Variants in CPLANE1 observed in about 807,000 individuals in gnomAD.
CPLANE1 encodes the protein ciliogenesis and planar polarity effector complex subunit 1.
Under a neutral mutation model 362.5 loss-of-function variants are expected in CPLANE1, and 263 were observed. The observed-to-expected ratio is 0.73, with a 90% CI of 0.66 to 0.80. The LOEUF (loss-of-function observed/expected upper bound fraction) is 0.80. CPLANE1 is among the 30% of genes least tolerant of loss of function. The pLI, the probability that CPLANE1 is intolerant of heterozygous loss-of-function variation, is 0.00. For missense variants in CPLANE1, 3,461 were observed against 3,793.4 expected (o/e 0.91, Z 2.30); for synonymous variants, 1,212 against 1,302.6 (o/e 0.93, Z 1.50).
rs554711652 is a variant in CPLANE1, at chr5:37,183,234, T to C, written c.4947A>G (p.Ser1649=). Residue 1649 remains serine (S), a synonymous_variant, in exon 26 of 53, where the codon TCA becomes TCG. Transcript: ENST00000651892. The stretch of plus-strand genomic sequence containing the variant: ...TGATCCCTTGATTAACCAGTACTGA[T>C]GATGAAAGTTTCTGGTTTTCTAAAT... ...GMHLENQKLS[S]SVLVNQGIKP... The C allele has an allele frequency of 6.6e-4, 1,065 of 1,612,394 alleles. 8 individuals are homozygous for C. In the South Asian group the frequency reaches 0.011, roughly 17 times the overall value.
chr5:37,202,941 T>C (rs1789626970), intron 18 of CPLANE1, among the ~76,000 whole-genome samples: 1 of 149,444 alleles, frequency 6.7e-6, no homozygotes, highest in Admixed American at 6.7e-5. Flanking sequence ...TTATATATTT[T>C]ATATATATAT....
chr5:37,120,458 T>C lies in CPLANE1; in HGVS notation c.9186-118A>G, dbSNP rs796692699. The C allele has an allele frequency of 1.1e-5, 9 of 798,886 alleles. No individual in the cohort carries two copies. In the African/African-American group the frequency reaches 1.5e-4, roughly 13 times the overall value. 49.5% of individuals were successfully genotyped at this position (798,886 alleles called of 1,614,324 possible). ...AGTAGTGCAAGCCTATAGCCCCAGC[T>C]ACTGGCGAGGGTGGGACAGGAGGAT... On this transcript the variant is annotated intron_variant, in intron 49 of 52. Transcript: ENST00000651892.
chr5:37,182,180 CAT>C (rs1386567958), intron 26 of CPLANE1, among the ~76,000 whole-genome samples: 14 of 152,032 alleles, frequency 9.2e-5, no homozygotes, highest in African/African-American at 3.1e-4. Flanking sequence ...CACATATTCA[CAT>C]ACACACACAC....
chr5:37,168,886 T>C lies in CPLANE1; in HGVS notation c.7138A>G (p.Ile2380Val). 1 of 1,614,138 alleles carries C rather than the reference T, an allele frequency of 6.2e-7. No individual in the cohort carries two copies. Among genetic ancestry groups the C allele is most frequent in the Non-Finnish European group, 8.5e-7 (1 of 1,179,974 alleles). ...NMFPSTSRAS[I>V]TVPSTPIQPI... ...TGGATAGGTGTTGAGGGAACTGTAA[T>C]AGATGCTCTTGAGGTTGATGGAAAC... The change falls in exon 34 of 53, where the codon ATT becomes GTT. Residue 2380 changes from isoleucine to valine, a missense_variant. Physicochemically the swap from Ile to Val is conservative, Grantham distance 29 (BLOSUM62 3). Coordinates refer to ENST00000651892, the MANE Select transcript of CPLANE1 (RefSeq NM_001384732.1).
chr5:37,112,649 C>A (rs967054811), intron 51 of CPLANE1, among the ~76,000 whole-genome samples: 1 of 152,184 alleles, frequency 6.6e-6, no homozygotes, highest in African/African-American at 2.4e-5. Context: ...CAGAGTCTAG[C>A]CTGAGAAATC....
chr5:37,208,321 T>C (rs1791421218), intron 16 of CPLANE1, among the ~76,000 whole-genome samples: 1 of 152,240 alleles, frequency 6.6e-6, no homozygotes, highest in South Asian at 2.1e-4. Flanking sequence ...CTGGGGCTTT[T>C]ACACAAACTC....
intron 46 of CPLANE1, among the ~76,000 whole-genome samples, chr5:37,128,858 A>G (rs539825889): frequency 2.6e-5 from 4 of 150,980 alleles, no homozygotes; most frequent in Non-Finnish European, 5.9e-5. Flanking sequence ...AAAAAAACCA[A>G]AAAAAAACAA....
intron 47 of CPLANE1, 107 bp downstream of exon 47, chr5:37,125,137 C>T: frequency 7.1e-7 from 1 of 1,407,028 alleles, no homozygotes; most frequent in Non-Finnish European, 9.5e-7. Flanking sequence ...TTCTATATGC[C>T]AAATTACAAA....
intron 12 of CPLANE1, 132 bp from the exon 13 acceptor site, chr5:37,224,872 A>T (rs1432675724): frequency 1.8e-6 from 1 of 552,672 alleles, no homozygotes; most frequent in Non-Finnish European, 3.2e-6. Flanking sequence ...GATCACATTT[A>T]AATATAGTGC....
rs374826123 is a variant in CPLANE1, at chr5:37,165,683, A to G, written c.7401-12T>C. 10 of 1,595,510 alleles carry G rather than the reference A, an allele frequency of 6.3e-6. No individual in the cohort carries two copies. The African/African-American group carries it at 1.4e-4, about 22-fold the overall frequency. ...CTCTTCTTCTTTGCCTGTTAAACAT[A>G]ATAGCATAAAACATACTTTTACAAC... is the stretch of plus-strand genomic sequence containing the variant. On this transcript the variant is annotated splice_polypyrimidine_tract_variant and intron_variant, in intron 35 of 52. Transcript: ENST00000651892.
At position 37,169,570 on chromosome 5, in the gene CPLANE1, G is replaced by A; in HGVS notation, c.6463-9C>T. On this transcript the variant is annotated splice_polypyrimidine_tract_variant and intron_variant, in intron 33 of 52. Transcript: ENST00000651892. The stretch of plus-strand genomic sequence containing the variant: ...CTCCCATGTGGAACATTCTGGAAGA[G>A]AAAAAAGATATTATGTAAGTTTAGA... 1 of 1,563,422 alleles carries A rather than the reference G, an allele frequency of 6.4e-7. No homozygotes were observed. The highest frequency in any genetic ancestry group is 2.0e-5 in the Admixed American group (1 of 49,732).
Position 37,169,213 on chromosome 5 carries a change from G to A in CPLANE1, c.6811C>T (p.Leu2271=), listed in dbSNP as rs746910113. The change falls in exon 34 of 53, where the codon CTG becomes TTG. Residue 2271 remains leucine, a synonymous_variant. Transcript: ENST00000651892. ...WGLSDSFQPA[L]PQRAAQTTPA... ...GTAGTTTGTGCTGCTCTCTGTGGCA[G>A]AGCAGGTTGGAAGGAGTCAGATAAT... 1.2e-6 allele frequency: 2 copies of A among 1,614,150 alleles called. No homozygotes were observed. Among genetic ancestry groups the A allele is most frequent in the Non-Finnish European group, 1.7e-6 (2 of 1,180,016 alleles).
At chr5:37,162,165 T>G (rs1777010906) in intron 38 of CPLANE1, among the ~76,000 whole-genome samples, 1 of 152,164 alleles carries the variant, frequency 6.6e-6, no homozygotes, top group Non-Finnish European at 1.5e-5. Flanking sequence ...CTCCCAACCT[T>G]GGGCATGCAA....
chr5:37,088,268 C>T, the CPLANE1 span, among the ~76,000 whole-genome samples: 14 of 152,336 alleles, frequency 9.2e-5, no homozygotes, highest in South Asian at 4.1e-4. Context: ...CTTTTGAAAA[C>T]GCTAATGTGC....
the CPLANE1 span, among the ~76,000 whole-genome samples, chr5:37,099,050 A>C: frequency 6.6e-6 from 1 of 152,208 alleles, no homozygotes. Flanking sequence ...TATAAAGATC[A>C]AAGCAGAATT....
In CPLANE1 at chr5:37,157,835, C is replaced by G. The variant is rs1330130138; in HGVS notation, c.7846G>C (p.Glu2616Gln). Residue 2616 changes from glutamate (E) to glutamine (Q), a missense_variant, in exon 40 of 53, where the codon GAA (glutamate) becomes CAA (glutamine). Coordinates refer to ENST00000651892, the MANE Select transcript of CPLANE1 (RefSeq NM_001384732.1). Reference protein sequence around the residue: ...GHTYINVIDIEANDLLQELPV... With the variant: ...GHTYINVIDIQANDLLQELPV... ...AATTCCTGTAGAAGATCATTAGCTT[C>G]AATGTCAATCACATTTATATAAGTA... The G allele has an allele frequency of 6.9e-7, 1 of 1,446,956 alleles. No individual in the cohort carries two copies. Among genetic ancestry groups the G allele is most frequent in the Non-Finnish European group, 9.3e-7 (1 of 1,078,890 alleles). 89.6% of individuals were successfully genotyped at this position (1,446,956 alleles called of 1,614,324 possible).
At chr5:37,120,032 G>C (rs1762195626) in intron 50 of CPLANE1, among the ~76,000 whole-genome samples, 184 bp downstream of exon 50, 2 of 151,866 alleles carry the variant, frequency 1.3e-5, no homozygotes, top group Non-Finnish European at 1.5e-5. Context: ...AAGATTCCTA[G>C]GGCCTTACTT....
chr5:37,095,728 A>T, the CPLANE1 span, among the ~76,000 whole-genome samples: 1 of 152,344 alleles, frequency 6.6e-6, no homozygotes, highest in Non-Finnish European at 1.5e-5. Context: ...TAATTCAGCA[A>T]AGTTTCTGGA....
At chr5:37,084,922 T>C in the CPLANE1 span, 3 of 475,390 alleles carry the variant, frequency 6.3e-6, no homozygotes, top group East Asian at 7.5e-5. Context: ...AAAAAGACAT[T>C]TCATGCAAAT....
Sources: gnomAD v4.1 joint callset for allele counts (sites outside exome capture counted in the v4.1 genomes callset) on GRCh38, gnomAD v4.1.1 for gene constraint, MANE v1.5 for transcripts, NCBI Gene and HGNC (gene_info 2026-07-23, HGNC 2026-07-21) for gene names.